Variants in CPEB4 observed in about 807,000 individuals in gnomAD.
CPEB4 encodes the protein cytoplasmic polyadenylation element binding protein 4.
CPEB4 carries 12 observed loss-of-function variants against 72.5 expected under a neutral mutation model. The observed-to-expected ratio is 0.17, with a 90% CI of 0.11 to 0.27. The LOEUF (loss-of-function observed/expected upper bound fraction) is 0.27. Ranked by LOEUF, CPEB4 falls within the 10% of genes least tolerant of loss-of-function variation. The probability of loss-of-function intolerance (pLI) is 1.00; values close to 1 mark genes in which losing one functional copy is unlikely to be tolerated. For missense variants in CPEB4, 614 were observed against 908.5 expected, an observed-to-expected ratio of 0.68 and a Z score of 4.17; for synonymous variants, 302 against 326.3, an observed-to-expected ratio of 0.93 and a Z score of 0.80.
Position 173,906,847 on chromosome 5 carries a change from C to G in CPEB4, c.1126-3676C>G, listed in dbSNP as rs372845227. Among the ~76,000 whole-genome samples, 79 of 152,296 alleles carry G rather than the reference C, an allele frequency of 5.2e-4. 1 individual carries two copies. The highest frequency in any genetic ancestry group is 6.8e-3 in the Middle Eastern group (2 of 294). On this transcript the variant is annotated intron_variant, in intron 1 of 9. Coordinates refer to ENST00000265085, the MANE Select transcript of CPEB4 (RefSeq NM_030627.4). Reference sequence around the variant, plus strand: ...AATTTAGGATTTTAGTTTTAATGTACTTTACCAGTTAGAAGTCAGCAAAAA... The same window carrying G: ...AATTTAGGATTTTAGTTTTAATGTAGTTTACCAGTTAGAAGTCAGCAAAAA...
At chr5:173,893,451 C>CA (rs1057212131) in intron 1 of CPEB4, among the ~76,000 whole-genome samples, 8 of 148,844 alleles carry the variant, frequency 5.4e-5, no homozygotes, top group South Asian at 4.2e-4. Context: ...ACCCCCGTCT[C>CA]AAAAAAAAAT....
At position 173,955,635 on chromosome 5, in the gene CPEB4, C is replaced by T. The variant is rs144216043; in HGVS notation, c.1963-275C>T. On this transcript the variant is annotated intron_variant, in intron 9 of 9. Transcript: ENST00000265085. The surrounding 1 kb of genome is among the most constrained non-coding windows in gnomAD (Gnocchi z 4.7). ...GGGTTTAATCTCATAACATTCTAGT[C>T]TAAACAGTTGGCTTCACTTCATGAT... Among the ~76,000 whole-genome samples the T allele has an allele frequency of 2.3e-3, 348 of 152,264 alleles. 1 individual carries two copies. Among genetic ancestry groups the T allele is most frequent in the African/African-American group, 7.7e-3 (320 of 41,548 alleles).
intron 1 of CPEB4, among the ~76,000 whole-genome samples, chr5:173,902,105 A>C (rs1281522497): frequency 1.3e-5 from 2 of 152,226 alleles, no homozygotes; most frequent in African/African-American, 2.4e-5. Context: ...ACATTTTGGC[A>C]AATCTTGAAT....
At position 173,889,883 on chromosome 5, in the gene CPEB4, T is replaced by G. The variant is rs1163397060; in HGVS notation, c.150T>G (p.Ala50=). Residue 50 remains alanine (A), a synonymous_variant, in exon 1 of 10, where the codon GCT becomes GCG. Coordinates refer to ENST00000265085, the MANE Select transcript of CPEB4 (RefSeq NM_030627.4). ...SPAAFINNNT[A]ANGSSAGSAW... ...CTGCTTTTATAAATAATAACACAGC[T>G]GCCAATGGCAGCAGTGCTGGGTCAG... 1.2e-6 allele frequency: 2 copies of G among 1,614,182 alleles called. No homozygotes were observed. Among genetic ancestry groups the G allele is most frequent in the Non-Finnish European group, 1.7e-6 (2 of 1,180,016 alleles).
intron 1 of CPEB4, among the ~76,000 whole-genome samples, chr5:173,905,711 T>G (rs1052568084): frequency 6.6e-6 from 1 of 152,174 alleles, no homozygotes; most frequent in African/African-American, 2.4e-5. Flanking sequence ...GGACTTTGAT[T>G]AGTGGGCAAA....
At chr5:173,930,026 C>T (rs1757384384) in intron 2 of CPEB4, among the ~76,000 whole-genome samples, 2 of 150,676 alleles carry the variant, frequency 1.3e-5, no homozygotes, top group Admixed American at 1.3e-4. Context: ...AGTTGTGATT[C>T]AGAAACAGTA....
In CPEB4 at chr5:173,945,114, G is replaced by A. The variant is rs1757975798; in HGVS notation, c.1430G>A (p.Gly477Asp). The A allele has an allele frequency of 1.2e-6, 2 of 1,613,588 alleles. No individual in the cohort carries two copies. The highest frequency in any genetic ancestry group is 1.7e-5 in the Admixed American group (1 of 59,966). ...VERYSRKVFV[G>D]GLPPDIDEDE... Reference sequence around the variant, plus strand: ...CGATATTCTCGAAAGGTGTTTGTAGGCGGATTGCCTCCAGACATTGATGAA... The same window carrying A: ...CGATATTCTCGAAAGGTGTTTGTAGACGGATTGCCTCCAGACATTGATGAA... Residue 477 changes from glycine (G) to aspartate (D), a missense_variant, in exon 5 of 10, where the codon GGC becomes GAC. Coordinates refer to ENST00000265085, the MANE Select transcript of CPEB4 (RefSeq NM_030627.4).
intron 1 of CPEB4, among the ~76,000 whole-genome samples, chr5:173,898,160 C>T (rs1230896062): frequency 2.2e-4 from 33 of 152,008 alleles, no homozygotes; most frequent in Admixed American, 2.2e-3. Flanking sequence ...ATAATTAGTT[C>T]CTCAGTATTA....
Position 173,907,852 on chromosome 5 carries a change from G to C in CPEB4, c.1126-2671G>C, listed in dbSNP as rs1756499480. Among the ~76,000 whole-genome samples, 3 of 152,308 alleles carry C rather than the reference G, an allele frequency of 2.0e-5. No homozygotes were observed. The South Asian group carries it at 6.2e-4, about 32-fold the overall frequency. The stretch of plus-strand genomic sequence containing the variant: ...CTTTTGGACAGTCTTGTGGGCTTAG[G>C]ACATGACTGACTTGGCGCACCATCA... On this transcript the variant is annotated intron_variant, in intron 1 of 9. Coordinates refer to ENST00000265085, the MANE Select transcript of CPEB4 (RefSeq NM_030627.4).
intron 2 of CPEB4, among the ~76,000 whole-genome samples, chr5:173,925,313 A>T (rs927365451): frequency 2.6e-5 from 4 of 152,166 alleles, no homozygotes; most frequent in Admixed American, 6.5e-5. Flanking sequence ...GTGTTTAGTG[A>T]ATTTTAAGTG....
intron 1 of CPEB4, among the ~76,000 whole-genome samples, chr5:173,908,295 G>C (rs992881485): frequency 1.3e-5 from 2 of 152,192 alleles, no homozygotes; most frequent in Non-Finnish European, 2.9e-5. Context: ...TTGTTCAGGA[G>C]ATGAGGATAA....
intron 2 of CPEB4, among the ~76,000 whole-genome samples, chr5:173,927,364 T>C (rs1021155062): frequency 6.6e-6 from 1 of 152,208 alleles, no homozygotes; most frequent in Non-Finnish European, 1.5e-5. Flanking sequence ...TTAAAAGCTC[T>C]AATTCCGAAG....
chr5:173,917,157 A>C (rs1756898031), intron 2 of CPEB4, among the ~76,000 whole-genome samples: 1 of 152,174 alleles, frequency 6.6e-6, no homozygotes. Context: ...ATATGTTATA[A>C]ATTTGAAGTA....
intron 5 of CPEB4, among the ~76,000 whole-genome samples, chr5:173,948,951 G>A (rs1434836337): frequency 6.6e-6 from 1 of 152,074 alleles, no homozygotes; most frequent in African/African-American, 2.4e-5. Flanking sequence ...TTCAACATAT[G>A]AATTTTGAGG....
intron 6 of CPEB4, 67 bp downstream of exon 6, chr5:173,949,664 T>C (rs1758149964): frequency 9.0e-7 from 1 of 1,110,404 alleles, no homozygotes; most frequent in African/African-American, 1.6e-5. Context: ...AGCCTTTTCA[T>C]AAATGTTCAC....
At position 173,953,311 on chromosome 5, in the gene CPEB4, G is replaced by T. The variant is rs192685508; in HGVS notation, c.1962+39G>T. 2.2e-4 allele frequency: 303 copies of T among 1,399,212 alleles called. No individual in the cohort carries two copies. The African/African-American group carries it at 3.8e-3, about 18-fold the overall frequency. The allele number at this position is 1,399,212 out of a possible 1,614,324, so 86.7% of individuals were successfully genotyped here. Reference sequence around the variant, plus strand: ...TACATTTTGGAAAATTCTAGAAATGGTCCTCTAAATGTGTGATTACCAATA... The same window carrying T: ...TACATTTTGGAAAATTCTAGAAATGTTCCTCTAAATGTGTGATTACCAATA... On this transcript the variant is annotated intron_variant, in intron 9 of 9. Transcript: ENST00000265085.
chr5:173,928,711 C>T (rs558782412), intron 2 of CPEB4, among the ~76,000 whole-genome samples: 51 of 152,028 alleles, frequency 3.4e-4, no homozygotes, highest in African/African-American at 1.2e-3. Flanking sequence ...GGAAAAAGTA[C>T]GAGAGTGCAA....
intron 7 of CPEB4, among the ~76,000 whole-genome samples, chr5:173,951,597 G>C (rs1758218701): frequency 6.6e-6 from 1 of 152,110 alleles, no homozygotes; most frequent in South Asian, 2.1e-4. Flanking sequence ...AAGTAATTTG[G>C]CTTATAATAG....
At chr5:173,895,055 A>G (rs1304117371) in intron 1 of CPEB4, among the ~76,000 whole-genome samples, 4 of 152,212 alleles carry the variant, frequency 2.6e-5, no homozygotes, top group Non-Finnish European at 5.9e-5. Context: ...GCTTTCAAAT[A>G]TGTTATTTCA....
Sources: allele counts gnomAD v4.1 joint callset (sites outside exome capture counted in the v4.1 genomes callset), GRCh38; gene constraint gnomAD v4.1.1; non-coding constraint Gnocchi (gnomAD v3.1); transcripts MANE v1.5; gene names NCBI Gene and HGNC (gene_info 2026-07-23, HGNC 2026-07-21).